AVEN: variants seen among roughly 807,000 people sequenced by gnomAD.
The protein encoded by AVEN is cell death regulator Aven.
Under a neutral mutation model 38.1 loss-of-function variants are expected in AVEN, and 41 were observed. The ratio of observed to expected loss-of-function variants is 1.08; its 90% CI spans 0.84 to 1.40. The LOEUF is 1.40. AVEN is among the 40% of genes most tolerant of loss of function. The probability of loss-of-function intolerance (pLI) is 0.00; values close to 1 mark genes in which losing one functional copy is unlikely to be tolerated. For missense variants in AVEN, 605 were observed against 438.8 expected, an observed-to-expected ratio of 1.38 and a Z score of -3.38; for synonymous variants, 206 against 171.8, an observed-to-expected ratio of 1.20 and a Z score of -1.56.
chr15:33,891,684 A>C (rs138246691), intron 2 of AVEN, among the ~76,000 whole-genome samples: 2 of 152,324 alleles, frequency 1.3e-5, no homozygotes, highest in East Asian at 3.9e-4. Context: ...GTGCCACAAT[A>C]AAAATAGGTG....
chr15:33,984,023 C>T (rs1359273537), intron 2 of AVEN, among the ~76,000 whole-genome samples: 2 of 151,382 alleles, frequency 1.3e-5, no homozygotes, highest in Non-Finnish European at 2.9e-5. Context: ...GACTGAGAAA[C>T]TGTCACAAAT....
chr15:33,925,879 T>G (rs1447653004), intron 2 of AVEN, among the ~76,000 whole-genome samples: 1 of 152,242 alleles, frequency 6.6e-6, no homozygotes, highest in Non-Finnish European at 1.5e-5. Flanking sequence ...TCTAACATGA[T>G]TATTAAGAAA....
At chr15:33,987,032 A>G (rs991950984) in intron 2 of AVEN, among the ~76,000 whole-genome samples, 4 of 152,246 alleles carry the variant, frequency 2.6e-5, no homozygotes, top group African/African-American at 9.6e-5. Flanking sequence ...ACCACAGGTT[A>G]TGAAAAGCAG....
intron 2 of AVEN, among the ~76,000 whole-genome samples, chr15:34,001,019 A>AT (rs562045179): frequency 0.073 from 10,050 of 136,752 alleles, 1,088 homozygotes; most frequent in African/African-American, 0.23. Context: ...TTGGACTAGA[A>AT]TTTTTTTTTT....
chr15:33,921,388 T>G (rs998123746), intron 2 of AVEN, among the ~76,000 whole-genome samples: 2 of 151,636 alleles, frequency 1.3e-5, no homozygotes, highest in Non-Finnish European at 2.9e-5. Flanking sequence ...AGACAGTTTT[T>G]CAGAACAGGT....
At chr15:33,943,624 T>C (rs757781842) in intron 2 of AVEN, among the ~76,000 whole-genome samples, 1 of 152,104 alleles carries the variant, frequency 6.6e-6, no homozygotes, top group Non-Finnish European at 1.5e-5. Context: ...TCACTTGAGG[T>C]CAGGAGTTTG....
rs542737889 is a variant in AVEN at position 33,859,842 on chromosome 15, G to GTTAAT, written n.2730-753_2730-749dup. The stretch of plus-strand genomic sequence containing the variant: ...AAGAAGCGTGTGAATTCATTTACTT[G>GTTAAT]TTAATTTAGCAAGAACTAATTTAGC... On this transcript the variant is annotated intron_variant and non_coding_transcript_variant, in intron 11 of 11. Transcript: ENST00000675287. The GTTAAT allele has an allele frequency of 1.9e-4, 224 of 1,210,288 alleles. 3 individuals are homozygous for GTTAAT. In the East Asian group the frequency reaches 5.7e-3, roughly 31 times the overall value. 75.0% of individuals were successfully genotyped at this position (1,210,288 alleles called of 1,614,324 possible).
At chr15:33,867,050 C>A (rs1597163955) in intron 5 of AVEN, among the ~76,000 whole-genome samples, 3 of 152,042 alleles carry the variant, frequency 2.0e-5, no homozygotes, top group African/African-American at 7.3e-5. Context: ...CACCTTAGGC[C>A]CCTCTACATC....
chr15:33,872,639 C>T (rs1225562688), intron 3 of AVEN, among the ~76,000 whole-genome samples: 1 of 152,136 alleles, frequency 6.6e-6, no homozygotes. Context: ...GCTCAGCAGC[C>T]AGCAGTTTGC....
In AVEN at chr15:34,063,404, C is replaced by A. The variant is rs779578047; in HGVS notation, n.1155G>T. The A allele has an allele frequency of 2.5e-6, 4 of 1,613,914 alleles. No individual in the cohort carries two copies. The African/African-American group carries it at 5.3e-5, about 22-fold the overall frequency. ...AGAAGCGAACCAAGGACCTGGCTGA[C>A]CTCCAGGGTTCTGACTCTGTGACCA... On this transcript the variant is annotated non_coding_transcript_exon_variant, in exon 5 of 12. Coordinates refer to the AVEN transcript ENST00000675287. This position sits in a 1 kb window ranked among gnomAD's most constrained non-coding sequence, Gnocchi z 4.1.
intron 2 of AVEN, among the ~76,000 whole-genome samples, chr15:33,957,232 T>G (rs1032552288): frequency 1.3e-5 from 2 of 152,206 alleles, no homozygotes; most frequent in African/African-American, 4.8e-5. Context: ...CTCTTAGGAT[T>G]TGGAAGAGTT....
chr15:33,877,223 C>T (rs1891274429), intron 2 of AVEN, among the ~76,000 whole-genome samples: 1 of 152,090 alleles, frequency 6.6e-6, no homozygotes, highest in Non-Finnish European at 1.5e-5. Context: ...AAGAAACAAA[C>T]ACACCAATCT....
At chr15:33,862,254 C>G (rs994488734), downstream of AVEN, among the ~76,000 whole-genome samples, 15 of 152,192 alleles carry the variant, frequency 9.9e-5, no homozygotes, top group African/African-American at 3.6e-4. Context: ...ACCCCGTTGC[C>G]CAGGCTCGAG....
At chr15:34,048,793 A>G (rs754793124) in intron 5 of AVEN, among the ~76,000 whole-genome samples, 1 of 152,140 alleles carries the variant, frequency 6.6e-6, no homozygotes, top group African/African-American at 2.4e-5. Flanking sequence ...TGTCTGGGCC[A>G]GCAACAGGTC....
intron 2 of AVEN, among the ~76,000 whole-genome samples, chr15:33,998,667 T>C (rs1897026883): frequency 6.6e-6 from 1 of 152,178 alleles, no homozygotes; most frequent in South Asian, 2.1e-4. Flanking sequence ...AGATCACCAA[T>C]AACCTTCCTG....
chr15:33,971,356 G>A (rs1277363499), intron 2 of AVEN, among the ~76,000 whole-genome samples: 1 of 151,980 alleles, frequency 6.6e-6, no homozygotes, highest in Non-Finnish European at 1.5e-5. Flanking sequence ...TAGAAATGGA[G>A]CAAATATTTT....
At chr15:33,943,132 G>A (rs960410253) in intron 2 of AVEN, among the ~76,000 whole-genome samples, 2 of 152,206 alleles carry the variant, frequency 1.3e-5, no homozygotes, top group Non-Finnish European at 2.9e-5. Context: ...AGAGTTGGAA[G>A]CAGGATCTTG....
intron 2 of AVEN, among the ~76,000 whole-genome samples, chr15:33,879,561 A>T (rs200548521): frequency 1.7e-4 from 5 of 28,866 alleles, no homozygotes; most frequent in Non-Finnish European, 7.7e-4. Context: ...ATAATAAAAT[A>T]AAAAAAAGAA....
chr15:33,954,879 T>C (rs1005557375), intron 2 of AVEN, among the ~76,000 whole-genome samples: 10 of 152,184 alleles, frequency 6.6e-5, no homozygotes, highest in African/African-American at 2.4e-4. Context: ...GAGTTATCAA[T>C]ATCAACATTT....
Sources: allele counts gnomAD v4.1 joint callset (sites outside exome capture counted in the v4.1 genomes callset), GRCh38; gene constraint gnomAD v4.1.1; non-coding constraint Gnocchi (gnomAD v3.1); transcripts MANE v1.5; gene names NCBI Gene and HGNC (gene_info 2026-07-23, HGNC 2026-07-21).